Variants in OLFM2 observed in about 807,000 individuals in gnomAD.
OLFM2 encodes olfactomedin 2.
A neutral mutation model predicts 43.9 loss-of-function variants in OLFM2; 20 were observed. The ratio of observed to expected loss-of-function variants is 0.46; its 90% CI spans 0.32 to 0.66. The LOEUF is 0.66. OLFM2 is among the 30% of genes least tolerant of loss of function. The pLI, the probability that OLFM2 is intolerant of heterozygous loss-of-function variation, is 0.04. For synonymous variants in OLFM2, 268 were observed against 278.6 expected (o/e 0.96, Z 0.38); for missense variants, 416 against 643.6 (o/e 0.65, Z 3.83).
chr19:9,902,256 C>T (rs2046746894), intron 1 of OLFM2, among the ~76,000 whole-genome samples: 1 of 151,992 alleles, frequency 6.6e-6, no homozygotes, highest in South Asian at 2.1e-4. Context: ...TCTCGATCTC[C>T]TGACCTCGTG....
intron 1 of OLFM2, chr19:9,913,720 G>C (rs2046849525): frequency 1.5e-5 from 16 of 1,053,368 alleles, no homozygotes; most frequent in Non-Finnish European, 1.8e-5. Flanking sequence ...GGGGGGGCGT[G>C]GGGGAGGGGG....
chr19:9,886,268 T>G (rs535811127), intron 1 of OLFM2, among the ~76,000 whole-genome samples: 2 of 152,132 alleles, frequency 1.3e-5, no homozygotes, highest in Admixed American at 6.6e-5. Context: ...TACAATGGAG[T>G]GATCTTGGCT....
chr19:9,916,733 G>A (rs372662380), intron 1 of OLFM2, among the ~76,000 whole-genome samples: 4 of 152,116 alleles, frequency 2.6e-5, no homozygotes, highest in African/African-American at 7.2e-5. Context: ...GTCTGTGCTC[G>A]AGTTTGCACT....
intron 1 of OLFM2, among the ~76,000 whole-genome samples, chr19:9,931,918 T>C (rs1306788594): frequency 1.3e-5 from 2 of 151,728 alleles, no homozygotes; most frequent in African/African-American, 2.4e-5. Flanking sequence ...AGTGTTCCCC[T>C]GACACTCTCT....
chr19:9,902,250 G>C (rs999982516), intron 1 of OLFM2, among the ~76,000 whole-genome samples: 1 of 151,800 alleles, frequency 6.6e-6, no homozygotes, highest in South Asian at 2.1e-4. Flanking sequence ...GGAGGGTCTC[G>C]ATCTCCTGAC....
At chr19:9,917,483 G>C (rs745470846) in intron 1 of OLFM2, among the ~76,000 whole-genome samples, 1 of 152,150 alleles carries the variant, frequency 6.6e-6, no homozygotes, top group African/African-American at 2.4e-5. Flanking sequence ...GAGGGAGATC[G>C]GAGATTGGAG....
chr19:9,878,432 C>A (rs1465452438), intron 1 of OLFM2, among the ~76,000 whole-genome samples: 2 of 133,884 alleles, frequency 1.5e-5, no homozygotes, highest in African/African-American at 5.6e-5. Flanking sequence ...TCTTGTCACC[C>A]GGGCTGGAGT....
intron 1 of OLFM2, among the ~76,000 whole-genome samples, chr19:9,930,484 A>C (rs1338041630): frequency 6.6e-6 from 1 of 152,066 alleles, no homozygotes; most frequent in Admixed American, 6.6e-5. Flanking sequence ...TGAGCCCAGG[A>C]GTTGGAGGCT....
intron 1 of OLFM2, among the ~76,000 whole-genome samples, chr19:9,872,237 C>T (rs1307068352): frequency 1.3e-5 from 2 of 152,214 alleles, no homozygotes; most frequent in South Asian, 2.1e-4. Context: ...ATCAGCCAGG[C>T]GCTGTGGCTC....
chr19:9,857,525 C>T lies in OLFM2; in HGVS notation c.361-43G>A, dbSNP rs1568366280. The T allele has an allele frequency of 1.2e-6, 2 of 1,603,466 alleles. No homozygotes were observed. Among genetic ancestry groups the T allele is most frequent in the African/African-American group, 2.7e-5 (2 of 74,818 alleles). On this transcript the variant is annotated intron_variant, in intron 3 of 5. Coordinates refer to ENST00000264833, the MANE Select transcript of OLFM2 (RefSeq NM_058164.4). The surrounding 1 kb of genome is among the most constrained non-coding windows in gnomAD (Gnocchi z 5.7). ...ACCATGGCCAAGCCTGACCCCTGGCCTTTGACCCAGACATGACTCCAACCT... is the reference window on the plus strand; with the variant it reads ...ACCATGGCCAAGCCTGACCCCTGGCTTTTGACCCAGACATGACTCCAACCT...
intron 1 of OLFM2, among the ~76,000 whole-genome samples, chr19:9,902,445 T>G (rs1356633059): frequency 1.3e-5 from 2 of 149,446 alleles, no homozygotes; most frequent in African/African-American, 5.0e-5. Flanking sequence ...TGCAATGGCG[T>G]GATCTCGGCT....
chr19:9,853,743 C>T lies in OLFM2; in HGVS notation c.*443G>A. Reference sequence around the variant, plus strand: ...TCAAATGTCAAAGGTCCTGTTTATTCCGGCAAACCGGAAAGAAAAAGTGTA... The same window carrying T: ...TCAAATGTCAAAGGTCCTGTTTATTTCGGCAAACCGGAAAGAAAAAGTGTA... On this transcript the variant is annotated 3_prime_UTR_variant, in exon 6 of 6. Coordinates refer to ENST00000264833, the MANE Select transcript of OLFM2 (RefSeq NM_058164.4). 1 of 425,116 alleles carries T rather than the reference C, an allele frequency of 2.4e-6. No homozygotes were observed. The allele number at this position is 425,116 out of a possible 1,614,324, so 26.3% of individuals were successfully genotyped here. A position where few individuals can be genotyped will look rare whatever the true frequency, so the allele number is the denominator to read the frequency against.
intron 1 of OLFM2, among the ~76,000 whole-genome samples, chr19:9,932,699 CT>C (rs2086490330): frequency 1.3e-5 from 2 of 152,158 alleles, no homozygotes; most frequent in Non-Finnish European, 2.9e-5. Flanking sequence ...TCTCCCCATC[CT>C]CTGAAAGCCC....
intron 1 of OLFM2, among the ~76,000 whole-genome samples, chr19:9,908,015 A>T (rs565871393): frequency 4.6e-5 from 7 of 152,168 alleles, no homozygotes; most frequent in Non-Finnish European, 1.0e-4. Flanking sequence ...AAAAAAAAAT[A>T]AAATAAAATT....
intron 1 of OLFM2, among the ~76,000 whole-genome samples, chr19:9,912,688 G>A (rs2046836872): frequency 1.3e-5 from 2 of 152,040 alleles, no homozygotes; most frequent in South Asian, 4.2e-4. Flanking sequence ...GAAGCTGGAG[G>A]ATAAAGCCTC....
At chr19:9,910,272 A>G (rs1002128032) in intron 1 of OLFM2, among the ~76,000 whole-genome samples, 1 of 152,210 alleles carries the variant, frequency 6.6e-6, no homozygotes, top group African/African-American at 2.4e-5. Flanking sequence ...AATTTCCCCC[A>G]AAGTCACACA....
In OLFM2 at chr19:9,912,616, C is replaced by G. The variant is rs573450644; in HGVS notation, c.63+23688G>C. The stretch of plus-strand genomic sequence containing the variant: ...CCCCTCCCCTCTCTCCTCAGGACAC[C>G]ACGGGGAGAACCCCACTGAGTTCTC... On this transcript the variant is annotated intron_variant, in intron 1 of 5. Coordinates refer to ENST00000264833, the MANE Select transcript of OLFM2 (RefSeq NM_058164.4). 1.3e-4 allele frequency among the ~76,000 whole-genome samples: 20 copies of G among 151,918 alleles called. No individual in the cohort carries two copies. The Middle Eastern group carries it at 0.01, about 78-fold the overall frequency.
chr19:9,869,101 A>G (rs543765310), intron 1 of OLFM2, among the ~76,000 whole-genome samples: 16 of 151,906 alleles, frequency 1.1e-4, no homozygotes, highest in Non-Finnish European at 2.2e-4. Context: ...TGGCCGGGCC[A>G]TAAGTTTGGC....
At chr19:9,922,093 C>CAA (rs551625851) in intron 1 of OLFM2, among the ~76,000 whole-genome samples, 5 of 80,680 alleles carry the variant, frequency 6.2e-5, no homozygotes, top group African/African-American at 8.6e-5. Flanking sequence ...GACCCTGTCT[C>CAA]AAAAAAAAAA....
Sources: gnomAD v4.1 joint callset for allele counts (sites outside exome capture counted in the v4.1 genomes callset) on GRCh38, gnomAD v4.1.1 for gene constraint, Gnocchi (gnomAD v3.1) non-coding constraint, MANE v1.5 for transcripts, NCBI Gene and HGNC (gene_info 2026-07-23, HGNC 2026-07-21) for gene names.